PDE7B: variants seen among roughly 807,000 people sequenced by gnomAD.
PDE7B encodes the protein phosphodiesterase 7B, also known as 3',5'-cyclic-AMP phosphodiesterase 7B.
A neutral mutation model predicts 56.2 loss-of-function variants in PDE7B; 29 were observed. The observed-to-expected ratio is 0.52, with a 90% confidence interval of 0.38 to 0.70. The LOEUF (loss-of-function observed/expected upper bound fraction) is 0.70. PDE7B is among the 30% of genes least tolerant of loss of function. The probability of loss-of-function intolerance (pLI) is 0.00; values close to 1 mark genes in which losing one functional copy is unlikely to be tolerated. For synonymous variants in PDE7B, 197 were observed against 196.9 expected (o/e 1.00, Z 0.00); for missense variants, 490 against 565.0 (o/e 0.87, Z 1.35).
At chr6:136,181,132 C>A (rs1216929765) in intron 10 of PDE7B, 95 bp from the exon 11 acceptor site, 3 of 822,116 alleles carry the variant, frequency 3.6e-6, no homozygotes, top group Non-Finnish European at 6.4e-6. Context: ...GTACTGTGAG[C>A]AGACTGAACA....
At chr6:136,041,839 A>G (rs1776420038) in intron 2 of PDE7B, among the ~76,000 whole-genome samples, 1 of 152,194 alleles carries the variant, frequency 6.6e-6, no homozygotes, top group East Asian at 1.9e-4. Flanking sequence ...TAGTTCAGAG[A>G]GACTCAATAA....
intron 1 of PDE7B, among the ~76,000 whole-genome samples, chr6:135,906,819 T>TG (rs1165228748): frequency 1.2e-4 from 18 of 145,252 alleles, no homozygotes; most frequent in Non-Finnish European, 2.4e-4. Flanking sequence ...TGTTTTTTTT[T>TG]TTTTTTTTTT....
chr6:136,020,411 A>G (rs1319749601), intron 2 of PDE7B, among the ~76,000 whole-genome samples: 2 of 152,228 alleles, frequency 1.3e-5, no homozygotes, highest in African/African-American at 4.8e-5. Flanking sequence ...ACATTTATAA[A>G]TATTTACATA....
intron 2 of PDE7B, among the ~76,000 whole-genome samples, chr6:136,021,929 A>T (rs921036748): frequency 1.3e-5 from 2 of 152,156 alleles, no homozygotes; most frequent in Admixed American, 1.3e-4. Context: ...ATAGCCCAGC[A>T]TTGTCTGGCC....
At chr6:135,868,619 A>G (rs2128186137) in intron 1 of PDE7B, among the ~76,000 whole-genome samples, 1 of 152,154 alleles carries the variant, frequency 6.6e-6, no homozygotes, top group East Asian at 1.9e-4. Context: ...TTTAGTAGAG[A>G]CAGGATTTTG....
intron 2 of PDE7B, among the ~76,000 whole-genome samples, chr6:135,955,015 C>A (rs535042007): frequency 4.7e-4 from 72 of 152,190 alleles, no homozygotes; most frequent in African/African-American, 1.7e-3. Flanking sequence ...AAGTGTCAGT[C>A]TTGTATTGAG....
intron 1 of PDE7B, among the ~76,000 whole-genome samples, chr6:135,877,824 G>A (rs2128188114): frequency 6.6e-6 from 1 of 152,188 alleles, no homozygotes; most frequent in South Asian, 2.1e-4. Flanking sequence ...AGCAACGTCA[G>A]TGGATGATTA....
At chr6:135,984,434 G>C (rs566486516) in intron 2 of PDE7B, among the ~76,000 whole-genome samples, 2 of 152,202 alleles carry the variant, frequency 1.3e-5, no homozygotes, top group Non-Finnish European at 2.9e-5. Context: ...ATCTCAGAGA[G>C]ATAGACATTT....
intron 2 of PDE7B, chr6:136,038,133 AGGATCTTACGG>A: frequency 2.3e-6 from 3 of 1,297,552 alleles, no homozygotes; most frequent in Non-Finnish European, 3.0e-6. Context: ...GAAGCTGGAG[AGGATCTTACGG>A]GGGTTCGCTT....
intron 2 of PDE7B, chr6:136,072,689 A>C (rs1032025052): frequency 6.6e-6 from 1 of 152,144 alleles, no homozygotes; most frequent in East Asian, 1.9e-4. Context: ...GCTAACTTTC[A>C]TCTTGTCATT....
chr6:136,066,852 C>CATTTT (rs1554277540), intron 2 of PDE7B, among the ~76,000 whole-genome samples: 1 of 138,292 alleles, frequency 7.2e-6, no homozygotes, highest in Non-Finnish European at 1.6e-5. Flanking sequence ...TAACCATAAC[C>CATTTT]TTTTTTTTTT....
chr6:136,104,454 A>G (rs893928334), intron 2 of PDE7B, among the ~76,000 whole-genome samples: 2 of 152,186 alleles, frequency 1.3e-5, no homozygotes, highest in Non-Finnish European at 2.9e-5. Flanking sequence ...TAGGCAGGAC[A>G]CCGCTTGTTC....
intron 3 of PDE7B, among the ~76,000 whole-genome samples, chr6:136,113,077 G>T (rs923285411): frequency 5.9e-5 from 9 of 152,134 alleles, no homozygotes; most frequent in African/African-American, 1.7e-4. Context: ...AAGCTTAAAA[G>T]ATCTATTGTA....
chr6:136,083,807 C>T (rs966992217), intron 2 of PDE7B, among the ~76,000 whole-genome samples: 1 of 152,040 alleles, frequency 6.6e-6, no homozygotes, highest in African/African-American at 2.4e-5. Flanking sequence ...CTCCTTCTTC[C>T]CCTCTCTCTC....
At chr6:135,883,983 T>C (rs1775656371) in intron 1 of PDE7B, among the ~76,000 whole-genome samples, 1 of 152,202 alleles carries the variant, frequency 6.6e-6, no homozygotes, top group African/African-American at 2.4e-5. Context: ...GTTTTGCGTT[T>C]GGTAGGAAGG....
chr6:135,889,229 G>A (rs1562426210), intron 1 of PDE7B, among the ~76,000 whole-genome samples: 2 of 152,002 alleles, frequency 1.3e-5, no homozygotes, highest in Non-Finnish European at 1.5e-5. Flanking sequence ...ATGTGACTCA[G>A]GCTCTCACTG....
intron 2 of PDE7B, among the ~76,000 whole-genome samples, chr6:136,003,379 C>T (rs1562466051): frequency 6.6e-6 from 1 of 151,876 alleles, no homozygotes; most frequent in Non-Finnish European, 1.5e-5. Flanking sequence ...AATAGAGACA[C>T]AAAAAACCCT....
chr6:135,853,839 A>G (rs956123594), intron 1 of PDE7B, among the ~76,000 whole-genome samples: 3 of 152,206 alleles, frequency 2.0e-5, no homozygotes, highest in Admixed American at 6.5e-5. Flanking sequence ...AATGCCTTAC[A>G]CAGGGTTCAG....
At chr6:135,922,164 C>T (rs968266753) in intron 1 of PDE7B, among the ~76,000 whole-genome samples, 9 of 152,122 alleles carry the variant, frequency 5.9e-5, no homozygotes, top group Non-Finnish European at 1.0e-4. Flanking sequence ...AAACTGCCAC[C>T]TCAAGATCTC....
Sources: gnomAD v4.1 joint callset for allele counts (sites outside exome capture counted in the v4.1 genomes callset) on GRCh38, gnomAD v4.1.1 for gene constraint, MANE v1.5 for transcripts, NCBI Gene and HGNC (gene_info 2026-07-23, HGNC 2026-07-21) for gene names.